Variants in PCNX2 observed in about 807,000 individuals in gnomAD.
PCNX2 encodes pecanex-like protein 2.
Under a neutral mutation model 223.8 loss-of-function variants are expected in PCNX2, and 168 were observed. That is an observed-to-expected ratio of 0.75 (90% CI 0.66 to 0.85). The LOEUF (loss-of-function observed/expected upper bound fraction) is 0.85, where lower values mean the gene tolerates loss of function less well. Ranked by LOEUF, PCNX2 falls within the 40% of genes least tolerant of loss-of-function variation. The probability of loss-of-function intolerance (pLI) is 0.00; values close to 1 mark genes in which losing one functional copy is unlikely to be tolerated. For missense variants in PCNX2, 2,507 were observed against 2,675.5 expected, an observed-to-expected ratio of 0.94 and a Z score of 1.39; for synonymous variants, 1,006 against 1,052.6, an observed-to-expected ratio of 0.96 and a Z score of 0.86.
At chr1:233,019,884 C>T (rs752606719) in intron 26 of PCNX2, among the ~76,000 whole-genome samples, 4 of 152,066 alleles carry the variant, frequency 2.6e-5, no homozygotes, top group Non-Finnish European at 4.4e-5. Flanking sequence ...AAGTTGCAAG[C>T]AAAAGAGTAA....
At chr1:233,215,529 G>C (rs1682071619) in intron 12 of PCNX2, among the ~76,000 whole-genome samples, 1 of 152,194 alleles carries the variant, frequency 6.6e-6, no homozygotes, top group Non-Finnish European at 1.5e-5. Flanking sequence ...CATAGTAACA[G>C]ACATTACAAA....
Position 233,054,440 on chromosome 1 carries a change from C to T in PCNX2, c.4179G>A (p.Leu1393=). 1 of 1,613,742 alleles carries T rather than the reference C, an allele frequency of 6.2e-7. No individual in the cohort carries two copies. The change falls in exon 25 of 34, where the codon TTG becomes TTA. Residue 1393 remains leucine, a synonymous_variant. Coordinates refer to ENST00000258229, the MANE Select transcript of PCNX2 (RefSeq NM_014801.4). ...NNLNSIFYEH[L]TRTLQESLCG... is the part of the protein sequence containing the mutation. ...AGAGGGACTCCTGGAGGGTCCTTGT[C>T]AAGTGTTCATAAAAAATGGAATTGA...
intron 26 of PCNX2, 119 bp from the exon 27 acceptor site, chr1:233,017,273 G>T (rs1214928680): frequency 1.6e-6 from 1 of 610,282 alleles, no homozygotes; most frequent in Non-Finnish European, 2.6e-6. Context: ...TGTTCTGCTG[G>T]GTGTAATGCA....
At chr1:233,075,059 G>A (rs1441107073) in intron 23 of PCNX2, among the ~76,000 whole-genome samples, 6 of 152,166 alleles carry the variant, frequency 3.9e-5, no homozygotes, top group African/African-American at 1.4e-4. Flanking sequence ...ACTACATTAT[G>A]AGACAGCAAT....
At position 232,986,255 on chromosome 1, in the gene PCNX2, C is replaced by G. The variant is rs1409552857; in HGVS notation, c.6077G>C (p.Ser2026Thr). Residue 2026 changes from serine (S) to threonine (T), a missense_variant, in exon 33 of 34, where the codon AGC (serine) becomes ACC (threonine). Physicochemically the swap from Ser to Thr is moderately conservative, Grantham distance 58. Transcript: ENST00000258229. ...GCCGAAGAGGAAGCTCAGGGTGGAG[C>G]TGGTGGAGGAGCCCAGGCTGGACCT... is the stretch of plus-strand genomic sequence containing the variant. ...LIRSSLGSST[S>T]STLSFLFGKR... The G allele has an allele frequency of 1.3e-6, 2 of 1,561,012 alleles. No individual in the cohort carries two copies. Among genetic ancestry groups the G allele is most frequent in the Non-Finnish European group, 1.7e-6 (2 of 1,152,772 alleles).
chr1:233,170,004 A>C (rs980308854), intron 17 of PCNX2, among the ~76,000 whole-genome samples: 5 of 152,208 alleles, frequency 3.3e-5, no homozygotes, highest in African/African-American at 1.2e-4. Context: ...CCTTTGCTCA[A>C]CATTACGTGG....
chr1:233,096,375 A>T (rs947131379), intron 21 of PCNX2, among the ~76,000 whole-genome samples: 3 of 152,368 alleles, frequency 2.0e-5, no homozygotes, highest in African/African-American at 4.8e-5. Context: ...AGCCAGCACA[A>T]GGAAAAATCG....
the PCNX2 span, among the ~76,000 whole-genome samples, chr1:233,305,848 A>G: frequency 6.6e-5 from 10 of 152,374 alleles, 1 homozygote; most frequent in African/African-American, 1.4e-4. Flanking sequence ...GGAGGAAGAG[A>G]AAAACAAAAA....
At chr1:233,068,953 C>T (rs990354803) in intron 23 of PCNX2, among the ~76,000 whole-genome samples, 1 of 152,012 alleles carries the variant, frequency 6.6e-6, no homozygotes, top group Non-Finnish European at 1.5e-5. Flanking sequence ...TTCTTACTTA[C>T]AAGAAATTCA....
intron 23 of PCNX2, among the ~76,000 whole-genome samples, chr1:233,059,287 G>A (rs925363075): frequency 3.9e-5 from 6 of 152,136 alleles, no homozygotes; most frequent in African/African-American, 1.4e-4. Context: ...ACCTGTCAAG[G>A]CTAACATCAA....
intron 21 of PCNX2, among the ~76,000 whole-genome samples, chr1:233,129,975 G>T (rs1466243311): frequency 6.6e-6 from 1 of 152,132 alleles, no homozygotes; most frequent in Non-Finnish European, 1.5e-5. Context: ...GGTCCACACT[G>T]CCTTTATGAG....
the PCNX2 span, among the ~76,000 whole-genome samples, chr1:233,306,878 G>A: frequency 6.6e-6 from 1 of 152,122 alleles, no homozygotes; most frequent in Non-Finnish European, 1.5e-5. Flanking sequence ...ATGATTACAA[G>A]AGTATTTGTT....
chr1:233,123,793 T>C (rs1462801492), intron 21 of PCNX2, among the ~76,000 whole-genome samples: 1 of 152,108 alleles, frequency 6.6e-6, no homozygotes. Context: ...ATTGTCTCAA[T>C]TCAAGTAGAA....
chr1:233,280,298 CTTT>C (rs34738587), intron 1 of PCNX2, among the ~76,000 whole-genome samples: 18 of 115,840 alleles, frequency 1.6e-4, no homozygotes, highest in Non-Finnish European at 1.1e-4. Context: ...TCCATATTAC[CTTT>C]TTTTTTTTTT....
At chr1:233,099,883 A>T (rs1308430682) in intron 21 of PCNX2, among the ~76,000 whole-genome samples, 2 of 152,344 alleles carry the variant, frequency 1.3e-5, no homozygotes, top group East Asian at 3.9e-4. Context: ...ATAATATTGT[A>T]TTGAAGTACT....
At position 232,983,696 on chromosome 1, in the gene PCNX2, A is replaced by G. The variant is rs1558139655; in HGVS notation, c.*608T>C. On this transcript the variant is annotated 3_prime_UTR_variant, in exon 34 of 34. Coordinates refer to ENST00000258229, the MANE Select transcript of PCNX2 (RefSeq NM_014801.4). ...TACTGGAGACATGACTGCATGCATG[A>G]TCACGGTTCTTGTTGTGAAGCTGCC... 6.6e-6 allele frequency: 1 copy of G among 152,112 alleles called. No individual in the cohort carries two copies. Among genetic ancestry groups the G allele is most frequent in the East Asian group, 1.9e-4 (1 of 5,200 alleles). The allele number at this position is 152,112 out of a possible 1,614,324, so 9.4% of individuals were successfully genotyped here. A position where few individuals can be genotyped will look rare whatever the true frequency, so the allele number is the denominator to read the frequency against.
At chr1:233,302,211 A>G in the PCNX2 span, among the ~76,000 whole-genome samples, 1 of 152,342 alleles carries the variant, frequency 6.6e-6, no homozygotes, top group Admixed American at 6.5e-5. Context: ...ATAAATTTTG[A>G]ATGTAATATC....
chr1:233,089,684 G>A (rs1673772620), intron 23 of PCNX2, among the ~76,000 whole-genome samples: 1 of 152,208 alleles, frequency 6.6e-6, no homozygotes. Context: ...AATGCTCACA[G>A]AAGGGATGCT....
the PCNX2 span, among the ~76,000 whole-genome samples, chr1:233,320,443 C>T: frequency 6.6e-6 from 1 of 152,074 alleles, no homozygotes; most frequent in African/African-American, 2.4e-5. Flanking sequence ...AGACACAGTA[C>T]AGTTCCATCC....
Sources: gnomAD v4.1 joint callset for allele counts (sites outside exome capture counted in the v4.1 genomes callset) on GRCh38, gnomAD v4.1.1 for gene constraint, MANE v1.5 for transcripts, NCBI Gene and HGNC (gene_info 2026-07-23, HGNC 2026-07-21) for gene names.